The following CCDC85A variants were observed in gnomAD, a reference collection of about 807,000 sequenced individuals.
CCDC85A encodes coiled-coil domain-containing protein 85A.
CCDC85A carries 38 observed loss-of-function variants against 50.2 expected under a neutral mutation model. The observed-to-expected ratio is 0.76, with a 90% CI of 0.58 to 0.99. CCDC85A has a LOEUF of 0.99. CCDC85A is among the 50% of genes least tolerant of loss of function. The pLI, the probability that CCDC85A is intolerant of heterozygous loss-of-function variation, is 0.00. For synonymous variants in CCDC85A, 366 were observed against 301.4 expected (o/e 1.21, Z -2.22); for missense variants, 820 against 742.0 (o/e 1.11, Z -1.22).
At position 56,223,192 on chromosome 2, in the gene CCDC85A, T is replaced by C. The variant is rs547230635; in HGVS notation, c.1240+29752T>C. Among the ~76,000 whole-genome samples the C allele has an allele frequency of 1.3e-3, 203 of 152,284 alleles. 2 individuals carry two copies. The highest frequency in any genetic ancestry group is 0.01 in the Middle Eastern group (3 of 294). ...TTGAAGAGAAGAGTTTTCATTTGGA[T>C]GCATAAATTTTTATTTGTTAAAAAG... On this transcript the variant is annotated intron_variant, in intron 2 of 5. Coordinates refer to ENST00000407595, the MANE Select transcript of CCDC85A (RefSeq NM_001080433.2).
At chr2:56,292,358 C>G (rs1235806984) in intron 2 of CCDC85A, among the ~76,000 whole-genome samples, 1 of 152,192 alleles carries the variant, frequency 6.6e-6, no homozygotes, top group Admixed American at 6.5e-5. Flanking sequence ...GCTGCTATTA[C>G]AGGAGTGAGC....
At chr2:56,203,580 G>A (rs1235476429) in intron 2 of CCDC85A, among the ~76,000 whole-genome samples, 1 of 152,034 alleles carries the variant, frequency 6.6e-6, no homozygotes, top group African/African-American at 2.4e-5. Context: ...TGCACAGCCA[G>A]GTATACAAAA....
At chr2:56,291,048 C>T (rs569129152) in intron 2 of CCDC85A, among the ~76,000 whole-genome samples, 4 of 152,112 alleles carry the variant, frequency 2.6e-5, no homozygotes, top group African/African-American at 9.7e-5. Context: ...ACTTATGTTG[C>T]GGGTTATATG....
Position 56,250,803 on chromosome 2 carries a change from T to C in CCDC85A, c.1240+57363T>C, listed in dbSNP as rs1669720085. On this transcript the variant is annotated intron_variant, in intron 2 of 5. Coordinates refer to ENST00000407595, the MANE Select transcript of CCDC85A (RefSeq NM_001080433.2). ...TTTGTCATTGCTAGAGTTGATCTATTGAACTAGAGCAAATTGGGGAATATT... is the reference window on the plus strand; with the variant it reads ...TTTGTCATTGCTAGAGTTGATCTATCGAACTAGAGCAAATTGGGGAATATT... Among the ~76,000 whole-genome samples, 4 of 152,194 alleles carry C rather than the reference T, an allele frequency of 2.6e-5. No homozygotes were observed. The South Asian group carries it at 8.3e-4, about 32-fold the overall frequency.
At chr2:56,358,497 G>A (rs1675348647) in intron 3 of CCDC85A, among the ~76,000 whole-genome samples, 1 of 152,080 alleles carries the variant, frequency 6.6e-6, no homozygotes, top group African/African-American at 2.4e-5. Context: ...TCTATACCAG[G>A]GTTGGCAAAC....
chr2:56,193,082 G>A lies in CCDC85A; in HGVS notation c.882G>A (p.Arg294=), dbSNP rs747390415. The A allele has an allele frequency of 1.9e-6, 3 of 1,613,540 alleles. No homozygotes were observed. The Admixed American group carries it at 5.0e-5, about 27-fold the overall frequency. ...GCAAGGGCAGCCCCGAACAGCAAAGGCACCCGCATCCAGGGAGCAGCCCCG... is the reference window on the plus strand; with the variant it reads ...GCAAGGGCAGCCCCGAACAGCAAAGACACCCGCATCCAGGGAGCAGCCCCG... The part of the protein sequence containing the change: ...PLCKGSPEQQ[R]HPHPGSSPET... Residue 294 remains arginine (R), a synonymous_variant, in exon 2 of 6, where the codon AGG becomes AGA. Coordinates refer to ENST00000407595, the MANE Select transcript of CCDC85A (RefSeq NM_001080433.2).
In CCDC85A at chr2:56,193,365, A is replaced by C; in HGVS notation, c.1165A>C (p.Arg389=). The part of the protein sequence containing the change: ...GGSGGSGGGS[R]EGTLRRQAQE... ...AAGTGGAGGCAGCGGCGGAGGCAGC[A>C]GGGAGGGCACCCTCAGACGGCAGGC... The change falls in exon 2 of 6, where the codon AGG becomes CGG. Residue 389 remains arginine, a synonymous_variant. Transcript: ENST00000407595. 6.2e-7 allele frequency: 1 copy of C among 1,611,456 alleles called. No individual in the cohort carries two copies. Among genetic ancestry groups the C allele is most frequent in the Non-Finnish European group, 8.5e-7 (1 of 1,178,742 alleles).
At chr2:56,296,889 G>A (rs973506700) in intron 2 of CCDC85A, among the ~76,000 whole-genome samples, 1 of 152,088 alleles carries the variant, frequency 6.6e-6, no homozygotes, top group Non-Finnish European at 1.5e-5. Flanking sequence ...TTCATTCCAT[G>A]TACTAAAATA....
chr2:56,192,882 C>T lies in CCDC85A; in HGVS notation c.682C>T (p.His228Tyr). The T allele has an allele frequency of 6.2e-7, 1 of 1,613,054 alleles. No homozygotes were observed. Among genetic ancestry groups the T allele is most frequent in the South Asian group, 1.1e-5 (1 of 91,012 alleles). ...STDSPDHHKH[H>Y]ASSGSPEHLQ... ...TGACAGCCCGGACCACCACAAGCAC[C>T]ACGCGAGCAGTGGCAGCCCGGAGCA... Residue 228 changes from histidine (H) to tyrosine (Y), a missense_variant, in exon 2 of 6, where the codon CAC becomes TAC. Transcript: ENST00000407595. This position sits in a 1 kb window ranked among gnomAD's most constrained non-coding sequence, Gnocchi z 4.7.
intron 3 of CCDC85A, among the ~76,000 whole-genome samples, chr2:56,359,520 A>T (rs1363051752): frequency 6.6e-6 from 1 of 152,240 alleles, no homozygotes; most frequent in African/African-American, 2.4e-5. Context: ...AAGAAACTAA[A>T]ATGGCACAGG....
At chr2:56,231,786 T>A (rs895066035) in intron 2 of CCDC85A, among the ~76,000 whole-genome samples, 1 of 152,162 alleles carries the variant, frequency 6.6e-6, no homozygotes, top group African/African-American at 2.4e-5. Flanking sequence ...TGTTTGTAGT[T>A]ACTGTTTTCA....
In CCDC85A at chr2:56,277,268, C is replaced by T. The variant is rs187626496; in HGVS notation, c.1241-65611C>T. On this transcript the variant is annotated intron_variant, in intron 2 of 5. Transcript: ENST00000407595. ...GAGGTAAAATTTAAGAATCATCTTT[C>T]ATGACCTATCATCTTGCAGACATGA... is the stretch of plus-strand genomic sequence containing the variant. 2.0e-5 allele frequency among the ~76,000 whole-genome samples: 3 copies of T among 152,240 alleles called. No homozygotes were observed. In the East Asian group the frequency reaches 5.8e-4, roughly 29 times the overall value.
chr2:56,222,775 A>G (rs569718312), intron 2 of CCDC85A, among the ~76,000 whole-genome samples: 18 of 152,290 alleles, frequency 1.2e-4, no homozygotes, highest in African/African-American at 3.6e-4. Context: ...TCCAGAATTT[A>G]TATATCCAAA....
intron 2 of CCDC85A, among the ~76,000 whole-genome samples, chr2:56,222,940 C>T (rs549613035): frequency 7.2e-5 from 11 of 152,116 alleles, no homozygotes; most frequent in Admixed American, 4.6e-4. Flanking sequence ...GCTTCAGATA[C>T]ATTCCTGATT....
At chr2:56,316,206 C>T (rs1273737994) in intron 2 of CCDC85A, among the ~76,000 whole-genome samples, 2 of 152,156 alleles carry the variant, frequency 1.3e-5, no homozygotes, top group Non-Finnish European at 2.9e-5. Flanking sequence ...ATCCTAAGAA[C>T]TGCTCCAGCG....
rs1364408452 is a variant in CCDC85A at position 56,372,624 on chromosome 2, G to A, written c.1452+146G>A. Reference sequence around the variant, plus strand: ...ATGTCTAAGTCTGGGGAGGGAGGATGGGAGTAGAATTTTTCACCTCCTAAA... The same window carrying A: ...ATGTCTAAGTCTGGGGAGGGAGGATAGGAGTAGAATTTTTCACCTCCTAAA... On this transcript the variant is annotated intron_variant, in intron 4 of 5. Transcript: ENST00000407595. 7 of 984,442 alleles carry A rather than the reference G, an allele frequency of 7.1e-6. No individual in the cohort carries two copies. The East Asian group carries it at 1.6e-4, about 22-fold the overall frequency. 61.0% of individuals were successfully genotyped at this position (984,442 alleles called of 1,614,324 possible). A position where few individuals can be genotyped will look rare whatever the true frequency, so the allele number is the denominator to read the frequency against.
intron 2 of CCDC85A, among the ~76,000 whole-genome samples, chr2:56,244,240 G>C (rs1669400633): frequency 2.0e-5 from 3 of 152,000 alleles, no homozygotes; most frequent in Admixed American, 2.0e-4. Flanking sequence ...AAATCTACCT[G>C]GTGCTCTATT....
chr2:56,363,797 T>C (rs1675655133), intron 3 of CCDC85A, among the ~76,000 whole-genome samples: 1 of 152,238 alleles, frequency 6.6e-6, no homozygotes, highest in Admixed American at 6.5e-5. Flanking sequence ...GCAAGTCAGA[T>C]GCAATGTTAA....
chr2:56,247,103 T>TCAAA (rs1669545336), intron 2 of CCDC85A, among the ~76,000 whole-genome samples: 1 of 152,212 alleles, frequency 6.6e-6, no homozygotes, highest in African/African-American at 2.4e-5. Flanking sequence ...GTGGTTATGC[T>TCAAA]ATAGTGCAGG....
Sources: gnomAD v4.1 joint callset for allele counts (sites outside exome capture counted in the v4.1 genomes callset) on GRCh38, gnomAD v4.1.1 for gene constraint, Gnocchi (gnomAD v3.1) non-coding constraint, MANE v1.5 for transcripts, NCBI Gene and HGNC (gene_info 2026-07-23, HGNC 2026-07-21) for gene names.